The following PLEKHH2 variants were observed in gnomAD, a reference collection of about 807,000 sequenced individuals.
PLEKHH2 encodes the protein pleckstrin homology domain-containing family H member 2.
Under a neutral mutation model 187.9 loss-of-function variants are expected in PLEKHH2, and 129 were observed. The observed-to-expected ratio is 0.69, with a 90% CI of 0.59 to 0.79. PLEKHH2 has a LOEUF of 0.79. PLEKHH2 is among the 30% of genes least tolerant of loss of function. The pLI, the probability that PLEKHH2 is intolerant of heterozygous loss-of-function variation, is 0.00. For missense variants in PLEKHH2, 2,076 were observed against 1,751.2 expected (o/e 1.19, Z -3.31); for synonymous variants, 686 against 605.6 (o/e 1.13, Z -1.95).
chr2:43,707,570 A>T, intron 11 of PLEKHH2, 25 bp downstream of exon 11: 1 of 1,612,864 alleles, frequency 6.2e-7, no homozygotes, highest in Non-Finnish European at 8.5e-7. Context: ...CAGGCATATG[A>T]GGCAACTCCA....
intron 3 of PLEKHH2, among the ~76,000 whole-genome samples, chr2:43,682,521 G>T (rs111740875): frequency 1.3e-5 from 2 of 152,088 alleles, no homozygotes; most frequent in African/African-American, 4.8e-5. Context: ...TGGCCAGGCT[G>T]GTCTCGAACT....
intron 5 of PLEKHH2, 85 bp downstream of exon 5, chr2:43,694,599 T>C (rs765837127): frequency 5.9e-6 from 8 of 1,365,090 alleles, no homozygotes; most frequent in Non-Finnish European, 7.8e-6. Flanking sequence ...TTACTCTGAG[T>C]AAAACAAAGA....
At chr2:43,727,484 C>T (rs990394483) in intron 17 of PLEKHH2, among the ~76,000 whole-genome samples, 1 of 150,250 alleles carries the variant, frequency 6.7e-6, no homozygotes, top group African/African-American at 2.5e-5. Context: ...TTTGACTATA[C>T]AAAATTGAAA....
chr2:43,695,464 GA>G (rs1181050357), intron 6 of PLEKHH2, among the ~76,000 whole-genome samples: 1 of 152,206 alleles, frequency 6.6e-6, no homozygotes, highest in Non-Finnish European at 1.5e-5. Context: ...ACGTAGATCA[GA>G]AAAACATGAC....
In PLEKHH2 at chr2:43,680,673, T is replaced by C. The variant is rs537263053; in HGVS notation, c.186+1748T>C. On this transcript the variant is annotated intron_variant, in intron 3 of 29. Transcript: ENST00000282406. ...CTGTTTGTTTAGTGGTTTGGCTTTC[T>C]GGCTGCTCAAAATTGAAGTCAAGTA... 22 of 374,608 alleles carry C rather than the reference T, an allele frequency of 5.9e-5. No individual in the cohort carries two copies. The East Asian group carries it at 1.6e-3, about 28-fold the overall frequency. The allele number at this position is 374,608 out of a possible 1,614,324, so 23.2% of individuals were successfully genotyped here.
chr2:43,710,158 T>C (rs909979473), intron 12 of PLEKHH2, 32 bp downstream of exon 12: 5 of 1,609,876 alleles, frequency 3.1e-6, no homozygotes, highest in Non-Finnish European at 3.4e-6. Flanking sequence ...TAAAAAGCAG[T>C]CAGTCAGATT....
chr2:43,727,874 T>C (rs1670842111), intron 17 of PLEKHH2, among the ~76,000 whole-genome samples: 1 of 152,194 alleles, frequency 6.6e-6, no homozygotes, highest in Non-Finnish European at 1.5e-5. Context: ...ATGTTTCTAG[T>C]AGAAAAATGG....
chr2:43,668,446 C>T (rs1042261546), intron 2 of PLEKHH2, among the ~76,000 whole-genome samples: 2 of 152,050 alleles, frequency 1.3e-5, no homozygotes, highest in Admixed American at 6.6e-5. Context: ...TCTGTGTTGT[C>T]CCCTAGTCTC....
intron 7 of PLEKHH2, 93 bp downstream of exon 7, chr2:43,697,449 T>A (rs1259359030): frequency 9.5e-7 from 1 of 1,049,328 alleles, no homozygotes; most frequent in Non-Finnish European, 1.3e-6. Context: ...ATTTTCCTTA[T>A]TTTTTTCTGA....
chr2:43,700,894 C>G (rs948168015), intron 8 of PLEKHH2, among the ~76,000 whole-genome samples: 1 of 152,194 alleles, frequency 6.6e-6, no homozygotes, highest in East Asian at 1.9e-4. Flanking sequence ...AAGTGATCCA[C>G]CTGCCTTTGC....
chr2:43,695,918 A>G (rs558803414), intron 6 of PLEKHH2, among the ~76,000 whole-genome samples: 1 of 152,258 alleles, frequency 6.6e-6, no homozygotes, highest in African/African-American at 2.4e-5. Context: ...ACTTGGCATT[A>G]ATTGAGGGTA....
intron 2 of PLEKHH2, among the ~76,000 whole-genome samples, chr2:43,646,605 A>G (rs1285160006): frequency 5.9e-5 from 9 of 152,248 alleles, no homozygotes; most frequent in African/African-American, 2.2e-4. Flanking sequence ...TTTAGAAAGC[A>G]TGTTGCAGCA....
chr2:43,726,077 G>A (rs184915876), intron 16 of PLEKHH2, among the ~76,000 whole-genome samples, 195 bp from the exon 17 acceptor site: 8 of 148,360 alleles, frequency 5.4e-5, no homozygotes, highest in East Asian at 4.0e-4. Flanking sequence ...TACTGATTGC[G>A]CCACTGCACT....
intron 27 of PLEKHH2, 135 bp from the exon 28 acceptor site, chr2:43,762,169 T>C: frequency 3.0e-6 from 2 of 661,492 alleles, no homozygotes; most frequent in Non-Finnish European, 5.1e-6. Flanking sequence ...GCCTCTTTCC[T>C]AGGCGAGATT....
chr2:43,759,049 A>G lies in PLEKHH2; in HGVS notation c.4071+20A>G. ...GCAAAAGTAAGAAAGAATGGGAGAG[A>G]GATGCATAATGAAAACCTTTGTGTA... On this transcript the variant is annotated intron_variant, in intron 27 of 29. Transcript: ENST00000282406. 1.2e-6 allele frequency: 2 copies of G among 1,604,724 alleles called. No individual in the cohort carries two copies. The highest frequency in any genetic ancestry group is 1.1e-5 in the South Asian group (1 of 90,284).
intron 20 of PLEKHH2, among the ~76,000 whole-genome samples, chr2:43,739,052 C>T (rs139463406): frequency 1.9e-4 from 29 of 152,184 alleles, no homozygotes; most frequent in East Asian, 1.5e-3. Context: ...CCAACACTCC[C>T]GGCTAATTTT....
intron 3 of PLEKHH2, chr2:43,680,960 A>T: frequency 9.7e-7 from 1 of 1,027,340 alleles, no homozygotes; most frequent in Non-Finnish European, 1.4e-6. Flanking sequence ...TACTACATAC[A>T]CTGGATTTCT....
Position 43,738,491 on chromosome 2 carries a change from C to A in PLEKHH2, c.3094C>A (p.Gln1032Lys). 6.2e-7 allele frequency: 1 copy of A among 1,613,124 alleles called. No homozygotes were observed. The highest frequency in any genetic ancestry group is 8.5e-7 in the Non-Finnish European group (1 of 1,179,386). Residue 1032 changes from glutamine (Q) to lysine (K), a missense_variant, in exon 20 of 30, where the codon CAG (glutamine) becomes AAG (lysine). By Grantham distance (53) the Gln-to-Lys change is moderately conservative. Coordinates refer to ENST00000282406, the MANE Select transcript of PLEKHH2 (RefSeq NM_172069.4). ...CQLIKQTRRR[Q>K]PQNQPGPLQG... is the part of the protein sequence containing the mutation. Reference sequence around the variant, plus strand: ...GCTTATTAAACAGACAAGACGAAGACAGCCACAGAATCAACCAGGACCATT... The same window carrying A: ...GCTTATTAAACAGACAAGACGAAGAAAGCCACAGAATCAACCAGGACCATT...
intron 2 of PLEKHH2, among the ~76,000 whole-genome samples, chr2:43,647,245 A>G (rs1195600957): frequency 6.6e-6 from 1 of 152,230 alleles, no homozygotes; most frequent in Non-Finnish European, 1.5e-5. Flanking sequence ...CTTTAAATAT[A>G]TAAACTTTTA....
Sources: allele counts gnomAD v4.1 joint callset (sites outside exome capture counted in the v4.1 genomes callset), GRCh38; gene constraint gnomAD v4.1.1; transcripts MANE v1.5; gene names NCBI Gene and HGNC (gene_info 2026-07-23, HGNC 2026-07-21).